Variants in ICA1 observed in about 807,000 individuals in gnomAD.
The protein encoded by ICA1 is 69 kDa islet cell autoantigen.
A neutral mutation model predicts 71.0 loss-of-function variants in ICA1; 40 were observed. That is an observed-to-expected ratio of 0.56 (90% CI 0.44 to 0.73). The LOEUF (loss-of-function observed/expected upper bound fraction) is 0.73. Among genes scored for constraint, ICA1 ranks in the 30% least tolerant of loss-of-function variants. The pLI is 0.00. For missense variants in ICA1, 578 were observed against 576.5 expected (o/e 1.00, Z -0.03); for synonymous variants, 207 against 209.5 (o/e 0.99, Z 0.10).
At chr7:8,220,562 G>C (rs1042565446) in intron 5 of ICA1, among the ~76,000 whole-genome samples, 9 of 152,270 alleles carry the variant, frequency 5.9e-5, no homozygotes, top group African/African-American at 1.9e-4. Context: ...GAACGAGGAG[G>C]AGTGTCACTT....
intron 6 of ICA1, among the ~76,000 whole-genome samples, chr7:8,177,843 A>C (rs1246843793): frequency 6.6e-6 from 1 of 152,172 alleles, no homozygotes; most frequent in Non-Finnish European, 1.5e-5. Flanking sequence ...ATGGGGAAAA[A>C]GATCAGGTCC....
chr7:8,125,238 A>G (rs1584248482), intron 13 of ICA1, among the ~76,000 whole-genome samples: 1 of 152,136 alleles, frequency 6.6e-6, no homozygotes, highest in East Asian at 1.9e-4. Context: ...TTGGGCTGAA[A>G]AAAGGTCTAA....
intron 5 of ICA1, chr7:8,218,785 G>A (rs749336136): frequency 1.7e-5 from 8 of 459,256 alleles, no homozygotes; most frequent in Non-Finnish European, 2.8e-5. Flanking sequence ...AGCCTGGGCT[G>A]AGTGCTCATT....
At chr7:8,155,170 A>G (rs990312904) in intron 8 of ICA1, among the ~76,000 whole-genome samples, 18 of 152,220 alleles carry the variant, frequency 1.2e-4, no homozygotes, top group Non-Finnish European at 1.0e-4. Flanking sequence ...TAACATCATT[A>G]TACCCTAACA....
chr7:8,155,775 C>A (rs1402176484), intron 8 of ICA1, among the ~76,000 whole-genome samples: 1 of 152,112 alleles, frequency 6.6e-6, no homozygotes, highest in African/African-American at 2.4e-5. Flanking sequence ...ATACTTTTAA[C>A]CAATCTGCCT....
chr7:8,201,074 T>A (rs1486411172), intron 6 of ICA1, among the ~76,000 whole-genome samples: 2 of 152,174 alleles, frequency 1.3e-5, no homozygotes, highest in Non-Finnish European at 2.9e-5. Context: ...CATAGAAAAT[T>A]GGGGCAATAT....
rs80347279 is a variant in ICA1, at chr7:8,217,432, A to G, written c.579+873T>C. On this transcript the variant is annotated intron_variant, in intron 6 of 13. Coordinates refer to ENST00000402384, the MANE Select transcript of ICA1 (RefSeq NM_001136020.3). ...TGATGGTTCTATTTGTAGCTCTGCAATAATGTACATAATAAGAAATCTAGG... is the reference window on the plus strand; with the variant it reads ...TGATGGTTCTATTTGTAGCTCTGCAGTAATGTACATAATAAGAAATCTAGG... Among the ~76,000 whole-genome samples the G allele has an allele frequency of 9.2e-3, 1,398 of 152,318 alleles. 19 individuals are homozygous for G. Among genetic ancestry groups the G allele is most frequent in the African/African-American group, 0.031 (1,303 of 41,570 alleles).
At chr7:8,163,665 T>G (rs901529849) in intron 6 of ICA1, among the ~76,000 whole-genome samples, 3 of 152,180 alleles carry the variant, frequency 2.0e-5, no homozygotes, top group African/African-American at 7.2e-5. Flanking sequence ...TCTGAAGGAC[T>G]AGCATGATTA....
intron 6 of ICA1, among the ~76,000 whole-genome samples, chr7:8,177,411 G>C (rs1227721378): frequency 6.6e-6 from 1 of 151,974 alleles, no homozygotes; most frequent in African/African-American, 2.4e-5. Context: ...CCTCTTTCAG[G>C]TCATTAGTGG....
chr7:8,129,950 G>A (rs1232514266), intron 12 of ICA1, among the ~76,000 whole-genome samples: 4 of 114,628 alleles, frequency 3.5e-5, no homozygotes, highest in Admixed American at 1.9e-4. Flanking sequence ...TAGAATATGC[G>A]GTATTTGGTT....
chr7:8,141,559 A>T (rs891528662), intron 10 of ICA1, among the ~76,000 whole-genome samples: 1 of 152,230 alleles, frequency 6.6e-6, no homozygotes, highest in Non-Finnish European at 1.5e-5. Context: ...TCTGGTTCAC[A>T]ATACACAGCC....
chr7:8,216,764 G>A (rs773534002), intron 6 of ICA1, among the ~76,000 whole-genome samples: 4 of 152,216 alleles, frequency 2.6e-5, no homozygotes, highest in Non-Finnish European at 4.4e-5. Flanking sequence ...AGAAAATTAT[G>A]TGTATTTTGA....
chr7:8,248,350 T>A (rs1806866593), intron 1 of ICA1, among the ~76,000 whole-genome samples: 1 of 152,146 alleles, frequency 6.6e-6, no homozygotes, highest in Non-Finnish European at 1.5e-5. Flanking sequence ...ACATTTCTAT[T>A]TTCTAGATAA....
intron 6 of ICA1, among the ~76,000 whole-genome samples, chr7:8,184,129 C>T (rs1223577459): frequency 6.6e-6 from 1 of 152,160 alleles, no homozygotes; most frequent in Non-Finnish European, 1.5e-5. Flanking sequence ...CTTTTAACTT[C>T]CAAAAGCAAG....
At chr7:8,233,397 T>C (rs1288417011) in intron 2 of ICA1, among the ~76,000 whole-genome samples, 1 of 57,090 alleles carries the variant, frequency 1.8e-5, no homozygotes, top group Non-Finnish European at 3.9e-5. Flanking sequence ...TCTTGGTATT[T>C]TTTTTTTTTT....
intron 4 of ICA1, 38 bp from the exon 5 acceptor site, chr7:8,221,436 A>G (rs766641684): frequency 1.2e-6 from 2 of 1,609,940 alleles, no homozygotes; most frequent in South Asian, 2.2e-5. Flanking sequence ...ATGAACAATG[A>G]GCATTTTGAT....
chr7:8,177,982 C>CA (rs1781105079), intron 6 of ICA1, among the ~76,000 whole-genome samples: 1 of 152,304 alleles, frequency 6.6e-6, no homozygotes, highest in East Asian at 1.9e-4. Flanking sequence ...AGGGTAAATG[C>CA]AAACTCTGGA....
chr7:8,215,191 C>T lies in ICA1; in HGVS notation c.579+3114G>A, dbSNP rs139928247. 1.4e-3 allele frequency among the ~76,000 whole-genome samples: 214 copies of T among 152,294 alleles called. 1 individual carries two copies. The highest frequency in any genetic ancestry group is 3.4e-3 in the Middle Eastern group (1 of 294). On this transcript the variant is annotated intron_variant, in intron 6 of 13. Coordinates refer to ENST00000402384, the MANE Select transcript of ICA1 (RefSeq NM_001136020.3). ...AGAGCGGTGTCTTTTCTATTCCAGT[C>T]CTGTCTCCCTTTCTAACCCCATGGT...
At chr7:8,158,385 G>A in intron 7 of ICA1, 142 bp downstream of exon 7, 1 of 965,590 alleles carries the variant, frequency 1.0e-6, no homozygotes, top group Non-Finnish European at 1.6e-6. Flanking sequence ...GCCCTAGAAG[G>A]CAGAGATGTG....
Sources: allele counts gnomAD v4.1 joint callset (sites outside exome capture counted in the v4.1 genomes callset), GRCh38; gene constraint gnomAD v4.1.1; transcripts MANE v1.5; gene names NCBI Gene and HGNC (gene_info 2026-07-23, HGNC 2026-07-21).